SPIDR: variants seen among roughly 807,000 people sequenced by gnomAD.
SPIDR encodes the protein DNA repair-scaffolding protein.
SPIDR carries 93 observed loss-of-function variants against 104.6 expected under a neutral mutation model. That is an observed-to-expected ratio of 0.89 (90% CI 0.75 to 1.06). SPIDR has a LOEUF of 1.06. SPIDR is among the 50% of genes least tolerant of loss of function. The pLI, the probability that SPIDR is intolerant of heterozygous loss-of-function variation, is 0.00. For missense variants in SPIDR, 1,154 were observed against 1,111.2 expected, an observed-to-expected ratio of 1.04 and a Z score of -0.55; for synonymous variants, 431 against 416.9, an observed-to-expected ratio of 1.03 and a Z score of -0.41.
At chr8:47,428,076 C>T (rs950961672) in intron 7 of SPIDR, among the ~76,000 whole-genome samples, 3 of 152,218 alleles carry the variant, frequency 2.0e-5, no homozygotes, top group African/African-American at 4.8e-5. Flanking sequence ...ACGTGCGCCA[C>T]GACGCCTGGC....
At chr8:47,609,662 A>G (rs886147673) in intron 10 of SPIDR, among the ~76,000 whole-genome samples, 1 of 152,102 alleles carries the variant, frequency 6.6e-6, no homozygotes, top group Non-Finnish European at 1.5e-5. Context: ...GGTTACAGCT[A>G]TCTGATTGAA....
At chr8:47,444,114 A>G (rs1446306428) in intron 8 of SPIDR, among the ~76,000 whole-genome samples, 7 of 152,266 alleles carry the variant, frequency 4.6e-5, no homozygotes, top group Non-Finnish European at 1.0e-4. Flanking sequence ...TTCAACATTT[A>G]TTAACTAATG....
chr8:47,627,495 G>T (rs1426310725), intron 10 of SPIDR, among the ~76,000 whole-genome samples: 1 of 151,996 alleles, frequency 6.6e-6, no homozygotes, highest in African/African-American at 2.4e-5. Flanking sequence ...ATTTGATAAG[G>T]CATTAATTTA....
At chr8:47,432,381 A>C (rs193078449) in intron 7 of SPIDR, among the ~76,000 whole-genome samples, 8 of 152,196 alleles carry the variant, frequency 5.3e-5, no homozygotes, top group Non-Finnish European at 7.3e-5. Flanking sequence ...CGCAAAGTGC[A>C]GTTGAGATGA....
intron 8 of SPIDR, among the ~76,000 whole-genome samples, chr8:47,479,103 G>A (rs2076596494): frequency 6.6e-6 from 1 of 152,142 alleles, no homozygotes; most frequent in Non-Finnish European, 1.5e-5. Flanking sequence ...GCTCACGCCT[G>A]TAATTCCAAC....
intron 8 of SPIDR, among the ~76,000 whole-genome samples, chr8:47,543,651 C>G (rs1188420567): frequency 1.3e-5 from 2 of 152,114 alleles, no homozygotes; most frequent in African/African-American, 4.8e-5. Context: ...AGCTTCATGC[C>G]TCTTCATAGG....
chr8:47,371,329 G>A (rs1031768649), intron 5 of SPIDR, among the ~76,000 whole-genome samples: 2 of 152,106 alleles, frequency 1.3e-5, no homozygotes, highest in Non-Finnish European at 2.9e-5. Context: ...GGCTCAGACA[G>A]CCAGGTTGGA....
chr8:47,359,458 G>A (rs1187834997), intron 5 of SPIDR, among the ~76,000 whole-genome samples: 3 of 152,036 alleles, frequency 2.0e-5, no homozygotes, highest in Non-Finnish European at 4.4e-5. Flanking sequence ...CCTTTCTTCT[G>A]GGCTGTCCTC....
At chr8:47,420,407 A>C (rs574492386) in intron 7 of SPIDR, among the ~76,000 whole-genome samples, 1 of 151,934 alleles carries the variant, frequency 6.6e-6, no homozygotes, top group African/African-American at 2.4e-5. Flanking sequence ...GTTGGTTTAA[A>C]GTCTGTTTTA....
intron 10 of SPIDR, among the ~76,000 whole-genome samples, chr8:47,637,422 T>C (rs1360357615): frequency 2.0e-5 from 3 of 152,010 alleles, no homozygotes; most frequent in Non-Finnish European, 4.4e-5. Flanking sequence ...ATACAAAAAT[T>C]AGCTGGGCAT....
At chr8:47,458,071 T>A (rs1308164003) in intron 8 of SPIDR, among the ~76,000 whole-genome samples, 7 of 152,202 alleles carry the variant, frequency 4.6e-5, no homozygotes, top group Non-Finnish European at 7.3e-5. Context: ...GCTTTGGCTA[T>A]GTGGGCTCTT....
chr8:47,551,850 T>C (rs2090543634), intron 8 of SPIDR, among the ~76,000 whole-genome samples: 1 of 152,202 alleles, frequency 6.6e-6, no homozygotes, highest in Non-Finnish European at 1.5e-5. Flanking sequence ...CTAGTTCTTT[T>C]AATTGTGATG....
At chr8:47,649,733 A>T (rs549605443) in intron 10 of SPIDR, among the ~76,000 whole-genome samples, 41 of 152,338 alleles carry the variant, frequency 2.7e-4, no homozygotes, top group African/African-American at 9.4e-4. Flanking sequence ...GGAAAAAAAC[A>T]TGATTTTTAC....
chr8:47,718,970 C>T (rs979636780), intron 16 of SPIDR, among the ~76,000 whole-genome samples: 4 of 152,058 alleles, frequency 2.6e-5, no homozygotes, highest in Admixed American at 6.5e-5. Flanking sequence ...TGGAAACCCT[C>T]ACAGGTCTTC....
chr8:47,680,335 G>A (rs2076942372), intron 11 of SPIDR, among the ~76,000 whole-genome samples: 1 of 152,180 alleles, frequency 6.6e-6, no homozygotes, highest in African/African-American at 2.4e-5. Flanking sequence ...ATAGAGGTGG[G>A]GTGACTGGCC....
At chr8:47,471,100 A>T (rs1554720767) in intron 8 of SPIDR, among the ~76,000 whole-genome samples, 2 of 152,180 alleles carry the variant, frequency 1.3e-5, no homozygotes, top group African/African-American at 4.8e-5. Flanking sequence ...TGTCTTGATG[A>T]CACTGCGTTT....
chr8:47,697,117 G>A (rs1426378146), intron 11 of SPIDR, among the ~76,000 whole-genome samples: 1 of 151,914 alleles, frequency 6.6e-6, no homozygotes, highest in South Asian at 2.1e-4. Flanking sequence ...TTTTTTATAA[G>A]TGAGAACATG....
intron 10 of SPIDR, among the ~76,000 whole-genome samples, chr8:47,620,097 G>A (rs957004163): frequency 6.6e-6 from 1 of 152,130 alleles, no homozygotes; most frequent in Non-Finnish European, 1.5e-5. Context: ...AATAGAAAGC[G>A]TACTAGCAGG....
intron 10 of SPIDR, among the ~76,000 whole-genome samples, chr8:47,609,023 G>A (rs1258523851): frequency 1.3e-5 from 2 of 152,168 alleles, no homozygotes; most frequent in African/African-American, 2.4e-5. Context: ...CACCGCACCC[G>A]GCTGAGCATC....
Sources: gnomAD v4.1 joint callset for allele counts (sites outside exome capture counted in the v4.1 genomes callset) on GRCh38, gnomAD v4.1.1 for gene constraint, MANE v1.5 for transcripts, NCBI Gene and HGNC (gene_info 2026-07-23, HGNC 2026-07-21) for gene names.